Variants in LRRC63 observed in about 807,000 individuals in gnomAD.
The protein encoded by LRRC63 is leucine rich repeat containing 63.
LRRC63 carries 40 observed loss-of-function variants against 49.5 expected under a neutral mutation model. That is an observed-to-expected ratio of 0.81 (90% confidence interval 0.63 to 1.05). The LOEUF (loss-of-function observed/expected upper bound fraction) is 1.05, where lower values mean the gene tolerates loss of function less well. Among genes scored for constraint, LRRC63 ranks in the 50% least tolerant of loss-of-function variants. LRRC63 has a pLI of 0.00. For synonymous variants in LRRC63, 191 were observed against 221.1 expected (o/e 0.86, Z 1.21); for missense variants, 636 against 663.1 (o/e 0.96, Z 0.45).
rs777847254 is a variant in LRRC63 at position 46,213,599 on chromosome 13, G to C, written c.85+480G>C. ...TGTTGAAGTACTGTCTAGTGTTCCT[G>C]AGCACAAGAAGGCTGTGATGGGCCT... On this transcript the variant is annotated intron_variant, in intron 2 of 9. Coordinates refer to ENST00000595396, the Ensembl canonical transcript of LRRC63. 3.3e-4 allele frequency among the ~76,000 whole-genome samples: 50 copies of C among 152,230 alleles called. 1 individual carries two copies. Among genetic ancestry groups the C allele is most frequent in the Non-Finnish European group, 2.9e-4 (20 of 68,030 alleles).
Position 46,215,379 on chromosome 13 carries a change from T to C in LRRC63, c.85+2260T>C, listed in dbSNP as rs531405144. Among the ~76,000 whole-genome samples the C allele has an allele frequency of 5.3e-5, 8 of 152,358 alleles. No homozygotes were observed. In the South Asian group the frequency reaches 1.4e-3, roughly 28 times the overall value. The stretch of plus-strand genomic sequence containing the variant: ...AGATGATTAGTGATGTTAAGCTTTT[T>C]TTCATATGTTTGTTGGCTATGTAAA... On this transcript the variant is annotated intron_variant, in intron 2 of 9. Coordinates refer to ENST00000595396, the Ensembl canonical transcript of LRRC63.
At chr13:46,256,261 G>A (rs1055696317) in intron 7 of LRRC63, among the ~76,000 whole-genome samples, 7 of 152,146 alleles carry the variant, frequency 4.6e-5, no homozygotes, top group Admixed American at 4.6e-4. Flanking sequence ...AGTATGAAAT[G>A]AAAAAAGGCT....
At chr13:46,221,828 A>G (rs2138373131) in intron 2 of LRRC63, among the ~76,000 whole-genome samples, 1 of 152,266 alleles carries the variant, frequency 6.6e-6, no homozygotes, top group Admixed American at 6.5e-5. Flanking sequence ...GATTTCCAGA[A>G]CCCATCTCAG....
chr13:46,222,575 G>C lies in LRRC63; in HGVS notation c.86-4937G>C, dbSNP rs146941991. 1.3e-4 allele frequency among the ~76,000 whole-genome samples: 20 copies of C among 152,266 alleles called. No homozygotes were observed. In the East Asian group the frequency reaches 3.9e-3, roughly 29 times the overall value. ...GTCAGGAAACAACAGGTGCTGGAGA[G>C]GATGTGGAGAAATAAGAACACTTTT... On this transcript the variant is annotated intron_variant, in intron 2 of 9. Transcript: ENST00000595396.
chr13:46,222,813 A>G (rs1004258336), intron 2 of LRRC63, among the ~76,000 whole-genome samples: 14 of 152,058 alleles, frequency 9.2e-5, no homozygotes, highest in African/African-American at 2.9e-4. Context: ...AACCAACCCA[A>G]ATGTCCAACA....
intron 2 of LRRC63, among the ~76,000 whole-genome samples, chr13:46,225,546 A>G (rs1318374090): frequency 1.3e-5 from 2 of 152,130 alleles, no homozygotes; most frequent in Admixed American, 1.3e-4. Context: ...AAGGATAAAT[A>G]TGGTGAGATG....
At chr13:46,263,587 C>T (rs1179988271) in intron 8 of LRRC63, among the ~76,000 whole-genome samples, 1 of 152,128 alleles carries the variant, frequency 6.6e-6, no homozygotes, top group Non-Finnish European at 1.5e-5. Flanking sequence ...TCTGTCTCCC[C>T]ACTGCTGCCT....
At chr13:46,265,637 A>G (rs2047674860) in intron 8 of LRRC63, among the ~76,000 whole-genome samples, 1 of 152,168 alleles carries the variant, frequency 6.6e-6, no homozygotes, top group African/African-American at 2.4e-5. Context: ...CCCACCTCCA[A>G]ATACCATCAA....
intron 2 of LRRC63, among the ~76,000 whole-genome samples, chr13:46,226,750 A>C (rs1436755950): frequency 1.3e-5 from 2 of 152,212 alleles, no homozygotes; most frequent in Non-Finnish European, 2.9e-5. Flanking sequence ...TATAGACAAC[A>C]GATGGGTAAA....
At chr13:46,233,955 T>G (rs1228608566) in intron 4 of LRRC63, among the ~76,000 whole-genome samples, 1 of 152,200 alleles carries the variant, frequency 6.6e-6, no homozygotes, top group African/African-American at 2.4e-5. Context: ...GAGCATATGG[T>G]TTACTTTGGG....
At chr13:46,221,125 C>G (rs2046395730) in intron 2 of LRRC63, among the ~76,000 whole-genome samples, 1 of 152,140 alleles carries the variant, frequency 6.6e-6, no homozygotes, top group Non-Finnish European at 1.5e-5. Context: ...ACTATGTGTA[C>G]AGCTGGCACA....
chr13:46,231,684 AT>A (rs1179172541), intron 4 of LRRC63, among the ~76,000 whole-genome samples: 5 of 146,664 alleles, frequency 3.4e-5, no homozygotes, highest in Non-Finnish European at 7.5e-5. Flanking sequence ...TAATTTTTGT[AT>A]TTTTCATAGA....
At chr13:46,255,848 T>C (rs1010263293) in intron 7 of LRRC63, among the ~76,000 whole-genome samples, 6 of 152,210 alleles carry the variant, frequency 3.9e-5, no homozygotes, top group Admixed American at 2.6e-4. Context: ...CCCATTATCC[T>C]AGAAAGTTTA....
At chr13:46,258,638 T>C (rs991040827) in intron 7 of LRRC63, among the ~76,000 whole-genome samples, 2 of 150,446 alleles carry the variant, frequency 1.3e-5, no homozygotes, top group Non-Finnish European at 3.0e-5. Flanking sequence ...TGAAACCCCA[T>C]CTCTACTAAA....
At chr13:46,228,090 T>A (rs1198514987) in exon 3 of LRRC63, 1 of 1,550,904 alleles carries the variant, frequency 6.4e-7, no homozygotes, top group Admixed American at 2.0e-5. Context: ...ACATTTTAAA[T>A]CAACTGCTAC....
intron 8 of LRRC63, among the ~76,000 whole-genome samples, chr13:46,265,474 G>A (rs1402258096): frequency 6.6e-6 from 1 of 152,208 alleles, no homozygotes; most frequent in Non-Finnish European, 1.5e-5. Flanking sequence ...AGCAGATGTG[G>A]TGTCTGGTGA....
At chr13:46,250,555 T>G in intron 7 of LRRC63, 64 bp downstream of exon 7, 1 of 1,342,014 alleles carries the variant, frequency 7.5e-7, no homozygotes, top group Non-Finnish European at 1.0e-6. Flanking sequence ...AAAGATCAAT[T>G]TCCCCTTTCA....
chr13:46,258,562 C>G (rs555409329), intron 7 of LRRC63, among the ~76,000 whole-genome samples: 1 of 151,244 alleles, frequency 6.6e-6, no homozygotes, highest in East Asian at 2.0e-4. Flanking sequence ...GTAATCCCAG[C>G]ACTTTGGGAG....
At chr13:46,246,717 T>TATAAAG (rs2047224351) in intron 6 of LRRC63, 92 bp downstream of exon 6, 2 of 534,206 alleles carry the variant, frequency 3.7e-6, no homozygotes, top group Non-Finnish European at 5.8e-6. Context: ...TTGAAGTTAC[T>TATAAAG]ATAAAGTACT....
Sources: gnomAD v4.1 joint callset for allele counts (sites outside exome capture counted in the v4.1 genomes callset) on GRCh38, gnomAD v4.1.1 for gene constraint, MANE v1.5 for transcripts, NCBI Gene and HGNC (gene_info 2026-07-23, HGNC 2026-07-21) for gene names.